The following CSMD1 variants were observed in gnomAD, a reference collection of about 807,000 sequenced individuals.
CSMD1 encodes the protein CUB and sushi domain-containing protein 1.
In CSMD1, 213 loss-of-function variants were observed where a neutral mutation model predicts 417.5. The ratio of observed to expected loss-of-function variants is 0.51; its 90% CI spans 0.46 to 0.57. The LOEUF (loss-of-function observed/expected upper bound fraction) is 0.57, where lower values mean the gene tolerates loss of function less well. Among genes scored for constraint, CSMD1 ranks in the 20% least tolerant of loss-of-function variants. The pLI is 0.00. For missense variants in CSMD1, 6,923 were observed against 4,529.7 expected (o/e 1.53, Z -15.17); for synonymous variants, 2,862 against 1,736.8 (o/e 1.65, Z -16.11).
At chr8:3,194,397 C>T (rs1318559422) in intron 33 of CSMD1, among the ~76,000 whole-genome samples, 2 of 130,640 alleles carry the variant, frequency 1.5e-5, no homozygotes, top group Non-Finnish European at 3.6e-5. Flanking sequence ...TTCAGGAGAC[C>T]ATCTGATTAA....
intron 7 of CSMD1, among the ~76,000 whole-genome samples, chr8:3,689,622 T>C (rs1563275478): frequency 6.6e-6 from 1 of 152,146 alleles, no homozygotes; most frequent in Admixed American, 6.5e-5. Flanking sequence ...ATATTTAGAG[T>C]GTGCTTACTA....
intron 3 of CSMD1, among the ~76,000 whole-genome samples, chr8:4,252,221 G>A (rs544988848): frequency 6.6e-6 from 1 of 152,268 alleles, no homozygotes; most frequent in Non-Finnish European, 1.5e-5. Context: ...AGGTAAACAG[G>A]CATAGACGTT....
chr8:3,035,238 C>T (rs1011246585), intron 50 of CSMD1, among the ~76,000 whole-genome samples: 3 of 152,154 alleles, frequency 2.0e-5, no homozygotes, highest in Non-Finnish European at 2.9e-5. Context: ...CTGCAGAGCG[C>T]GGCTGCTCCC....
chr8:4,648,965 A>G (rs1020815700), intron 1 of CSMD1, among the ~76,000 whole-genome samples: 1 of 152,218 alleles, frequency 6.6e-6, no homozygotes, highest in East Asian at 1.9e-4. Flanking sequence ...GACACCTAGT[A>G]TCCTAGGGCC....
chr8:4,946,670 T>C (rs1161493141), intron 1 of CSMD1, among the ~76,000 whole-genome samples: 2 of 152,308 alleles, frequency 1.3e-5, no homozygotes, highest in East Asian at 3.9e-4. Flanking sequence ...AATGAAGCAA[T>C]GTGGTAACAA....
At chr8:4,185,566 G>T (rs1007730333) in intron 3 of CSMD1, among the ~76,000 whole-genome samples, 2 of 151,994 alleles carry the variant, frequency 1.3e-5, no homozygotes, top group African/African-American at 4.8e-5. Flanking sequence ...ACACACAAAT[G>T]GATCAAAAGT....
At chr8:3,435,559 G>C (rs749881023) in intron 12 of CSMD1, among the ~76,000 whole-genome samples, 9 of 152,034 alleles carry the variant, frequency 5.9e-5, no homozygotes, top group African/African-American at 2.2e-4. Flanking sequence ...TGGAGACTTC[G>C]AATCAGCACA....
chr8:4,961,535 T>C (rs892914654), intron 1 of CSMD1, among the ~76,000 whole-genome samples: 1 of 152,182 alleles, frequency 6.6e-6, no homozygotes. Flanking sequence ...GTTTGAAAAT[T>C]AGTTCCTCTT....
intron 23 of CSMD1, among the ~76,000 whole-genome samples, chr8:3,332,278 T>C (rs910998791): frequency 9.2e-5 from 14 of 152,266 alleles, no homozygotes; most frequent in Non-Finnish European, 2.1e-4. Flanking sequence ...TCCTGCCCTC[T>C]TGCTTTGCAT....
intron 2 of CSMD1, among the ~76,000 whole-genome samples, chr8:4,596,286 GA>G (rs1226371367): frequency 1.3e-5 from 2 of 152,162 alleles, no homozygotes; most frequent in Admixed American, 1.3e-4. Flanking sequence ...GCACAAGGGA[GA>G]GATGCTTAAC....
intron 3 of CSMD1, among the ~76,000 whole-genome samples, chr8:4,242,250 A>T (rs1413596134): frequency 6.6e-6 from 1 of 152,184 alleles, no homozygotes; most frequent in Non-Finnish European, 1.5e-5. Flanking sequence ...CAATCTTTAT[A>T]AACATCATCT....
At chr8:4,761,894 CCTATCTATCTATCTATCAATCTAT>C (rs1563319443) in intron 1 of CSMD1, among the ~76,000 whole-genome samples, 5 of 83,746 alleles carry the variant, frequency 6.0e-5, no homozygotes, top group Non-Finnish European at 1.3e-4. Context: ...TATCTACCTA[CCTATCTATCTATCTATCAATCTAT>C]CTATCTATCT....
chr8:4,819,020 G>A (rs922312037), intron 1 of CSMD1, among the ~76,000 whole-genome samples: 2 of 152,056 alleles, frequency 1.3e-5, no homozygotes, highest in African/African-American at 4.8e-5. Flanking sequence ...TTCATGGCTG[G>A]TGAGGAATAA....
At chr8:4,527,392 T>G (rs1796571760) in intron 2 of CSMD1, among the ~76,000 whole-genome samples, 1 of 152,226 alleles carries the variant, frequency 6.6e-6, no homozygotes, top group Non-Finnish European at 1.5e-5. Flanking sequence ...TACGGTCATT[T>G]TATACCTTTT....
chr8:3,076,719 G>C (rs781568896), intron 49 of CSMD1, among the ~76,000 whole-genome samples: 1 of 152,200 alleles, frequency 6.6e-6, no homozygotes, highest in Non-Finnish European at 1.5e-5. Flanking sequence ...TGGTGAGATG[G>C]TTGAGCCAAA....
chr8:3,460,490 C>G (rs755348050), intron 12 of CSMD1, among the ~76,000 whole-genome samples: 5 of 152,042 alleles, frequency 3.3e-5, no homozygotes, highest in Non-Finnish European at 7.4e-5. Context: ...ATAATTCTGA[C>G]TGGACCCCTG....
At chr8:4,835,782 T>A (rs775773413) in intron 1 of CSMD1, among the ~76,000 whole-genome samples, 1 of 151,658 alleles carries the variant, frequency 6.6e-6, no homozygotes, top group Non-Finnish European at 1.5e-5. Context: ...CAAAAGTGAG[T>A]AATTCTCAAC....
intron 1 of CSMD1, among the ~76,000 whole-genome samples, chr8:4,753,723 C>A (rs965250219): frequency 1.3e-5 from 2 of 152,180 alleles, no homozygotes. Context: ...ATACCACCTT[C>A]AAGGCAGAGC....
At chr8:4,050,512 T>C (rs950243065) in intron 3 of CSMD1, among the ~76,000 whole-genome samples, 17 of 152,190 alleles carry the variant, frequency 1.1e-4, no homozygotes, top group African/African-American at 3.6e-4. Flanking sequence ...GGGGTATGTA[T>C]CATCCTGGAG....
Sources: allele counts gnomAD v4.1 joint callset (sites outside exome capture counted in the v4.1 genomes callset), GRCh38; gene constraint gnomAD v4.1.1; transcripts MANE v1.5; gene names NCBI Gene and HGNC (gene_info 2026-07-23, HGNC 2026-07-21).